The following STK31 variants were observed in gnomAD, a reference collection of about 807,000 sequenced individuals.
STK31 encodes serine/threonine kinase 31.
Under a neutral mutation model 129.7 loss-of-function variants are expected in STK31, and 89 were observed. That is an observed-to-expected ratio of 0.69 (90% CI 0.58 to 0.82). The LOEUF is 0.82. Ranked by LOEUF, STK31 falls within the 40% of genes least tolerant of loss-of-function variation. The pLI, the probability that STK31 is intolerant of heterozygous loss-of-function variation, is 0.00. For missense variants in STK31, 1,187 were observed against 1,176.4 expected (o/e 1.01, Z -0.13); for synonymous variants, 448 against 395.3 (o/e 1.13, Z -1.58).
At chr7:23,828,141 G>A (rs1320721216) in intron 23 of STK31, among the ~76,000 whole-genome samples, 2 of 152,206 alleles carry the variant, frequency 1.3e-5, no homozygotes, top group Non-Finnish European at 2.9e-5. Context: ...GGACACTTAA[G>A]TCTGCAGAGG....
chr7:23,776,612 T>A (rs1255361466), intron 15 of STK31, among the ~76,000 whole-genome samples: 3 of 152,230 alleles, frequency 2.0e-5, no homozygotes, highest in Non-Finnish European at 2.9e-5. Flanking sequence ...TCTAGTCGAT[T>A]TGCATAGAGG....
At chr7:23,750,529 C>A (rs1788650342) in intron 8 of STK31, among the ~76,000 whole-genome samples, 1 of 152,130 alleles carries the variant, frequency 6.6e-6, no homozygotes, top group Non-Finnish European at 1.5e-5. Flanking sequence ...TGTTTTAAAT[C>A]TTTTGTTCTT....
At chr7:23,831,445 C>T (rs1794540037) in intron 23 of STK31, among the ~76,000 whole-genome samples, 1 of 151,930 alleles carries the variant, frequency 6.6e-6, no homozygotes, top group Non-Finnish European at 1.5e-5. Flanking sequence ...CTTTTGGTTT[C>T]CTTTTGTATG....
chr7:23,729,624 C>T (rs999546855), intron 6 of STK31, among the ~76,000 whole-genome samples: 7 of 151,398 alleles, frequency 4.6e-5, no homozygotes, highest in Non-Finnish European at 8.8e-5. Flanking sequence ...AATTCTTCTG[C>T]CTCAGCCTCC....
chr7:23,822,950 T>G (rs1176584748), intron 23 of STK31, among the ~76,000 whole-genome samples: 1 of 152,228 alleles, frequency 6.6e-6, no homozygotes, highest in African/African-American at 2.4e-5. Context: ...GGCTGCATAG[T>G]ATTCCATGGT....
intron 23 of STK31, among the ~76,000 whole-genome samples, chr7:23,826,052 T>G (rs1302781169): frequency 6.6e-6 from 1 of 152,166 alleles, no homozygotes; most frequent in Non-Finnish European, 1.5e-5. Flanking sequence ...TGTGGTGTGG[T>G]GCTGAAAAGA....
At chr7:23,776,527 A>G (rs7811080) in intron 15 of STK31, among the ~76,000 whole-genome samples, 146,074 of 148,914 alleles carry the variant, frequency 0.98, 71,703 homozygotes, top group Non-Finnish European at 1. Context: ...TGGTCTATTC[A>G]GGGATTCGAC....
chr7:23,788,202 A>G (rs919111813), intron 21 of STK31, 73 bp downstream of exon 21: 4 of 1,236,962 alleles, frequency 3.2e-6, no homozygotes, highest in African/African-American at 1.7e-5. Context: ...CAGCACTTAT[A>G]TATAATATAA....
At chr7:23,748,830 A>G (rs1203795823) in intron 8 of STK31, among the ~76,000 whole-genome samples, 2 of 152,234 alleles carry the variant, frequency 1.3e-5, no homozygotes, top group Non-Finnish European at 2.9e-5. Context: ...ACAGTAGGCT[A>G]TTAGTAATTA....
chr7:23,763,326 C>T (rs1789593738), intron 11 of STK31, among the ~76,000 whole-genome samples: 1 of 152,072 alleles, frequency 6.6e-6, no homozygotes, highest in African/African-American at 2.4e-5. Flanking sequence ...GAAGTTTCTC[C>T]CTGATGTGAT....
At chr7:23,737,378 C>A (rs1161159547) in intron 8 of STK31, among the ~76,000 whole-genome samples, 2 of 152,270 alleles carry the variant, frequency 1.3e-5, no homozygotes, top group African/African-American at 4.8e-5. Flanking sequence ...ATAATTAATT[C>A]TCATGTGCCC....
intron 23 of STK31, among the ~76,000 whole-genome samples, chr7:23,827,180 G>C (rs546038082): frequency 5.3e-5 from 8 of 152,288 alleles, no homozygotes; most frequent in African/African-American, 1.7e-4. Context: ...TGGATAATAT[G>C]CTGAAGAGTG....
At chr7:23,765,448 CT>C (rs1331296283) in intron 11 of STK31, among the ~76,000 whole-genome samples, 1 of 151,728 alleles carries the variant, frequency 6.6e-6, no homozygotes, top group Non-Finnish European at 1.5e-5. Context: ...CAACGTATAT[CT>C]TTTTTGTTGG....
At chr7:23,749,530 T>C (rs11972814) in intron 8 of STK31, among the ~76,000 whole-genome samples, 4 of 147,062 alleles carry the variant, frequency 2.7e-5, no homozygotes, top group Non-Finnish European at 4.5e-5. Context: ...TTTTTTTTTT[T>C]TGGGGGTAGA....
chr7:23,791,809 T>G (rs1791636513), intron 22 of STK31, among the ~76,000 whole-genome samples: 4 of 152,210 alleles, frequency 2.6e-5, no homozygotes, highest in Admixed American at 2.6e-4. Flanking sequence ...GGAAGACTAT[T>G]CTTATCAGCC....
chr7:23,739,668 G>T (rs982130560), intron 8 of STK31, among the ~76,000 whole-genome samples: 3 of 152,218 alleles, frequency 2.0e-5, no homozygotes, highest in South Asian at 4.1e-4. Context: ...TAAGGAAGGG[G>T]TCCAGTTTCA....
intron 4 of STK31, among the ~76,000 whole-genome samples, chr7:23,725,372 CA>C (rs57280021): frequency 2.5e-3 from 145 of 57,742 alleles, no homozygotes; most frequent in East Asian, 0.025. Flanking sequence ...CCTGTTTCTA[CA>C]AAAAAAAAAA....
intron 22 of STK31, among the ~76,000 whole-genome samples, chr7:23,801,897 C>T (rs1792396791): frequency 6.6e-6 from 1 of 152,112 alleles, no homozygotes; most frequent in African/African-American, 2.4e-5. Context: ...ATCTGTGTGT[C>T]TATCCGTTTA....
chr7:23,787,779 CACAA>C (rs1477857396), intron 20 of STK31, among the ~76,000 whole-genome samples, 197 bp from the exon 21 acceptor site: 10 of 144,742 alleles, frequency 6.9e-5, no homozygotes, highest in African/African-American at 1.8e-4. Flanking sequence ...CACACACACA[CACAA>C]ACACACACAG....
Sources: gnomAD v4.1 joint callset for allele counts (sites outside exome capture counted in the v4.1 genomes callset) on GRCh38, gnomAD v4.1.1 for gene constraint, MANE v1.5 for transcripts, NCBI Gene and HGNC (gene_info 2026-07-23, HGNC 2026-07-21) for gene names.